Variants in DERPC observed in about 807,000 individuals in gnomAD.
DERPC encodes DERPC proline and glycine rich nuclear protein.
Under a neutral mutation model 7.2 loss-of-function variants are expected in DERPC, and 1 was observed. That is an observed-to-expected ratio of 0.14 (90% CI 0.05 to 0.66). The LOEUF is 0.66. Among genes scored for constraint, DERPC ranks in the 30% least tolerant of loss-of-function variants. The probability of loss-of-function intolerance (pLI) is 0.84; values close to 1 mark genes in which losing one functional copy is unlikely to be tolerated. For missense variants in DERPC, 502 were observed against 299.4 expected, an observed-to-expected ratio of 1.68 and a Z score of -4.99; for synonymous variants, 185 against 117.6, an observed-to-expected ratio of 1.57 and a Z score of -3.71.
intron 1 of DERPC, among the ~76,000 whole-genome samples, chr16:69,123,482 C>T (rs1961829296): frequency 6.6e-6 from 1 of 152,020 alleles, no homozygotes; most frequent in Non-Finnish European, 1.5e-5. Context: ...CACGGTGAAA[C>T]CCAGTCTCTA....
At position 69,119,429 on chromosome 16, in the gene DERPC, T is replaced by G; in HGVS notation, c.1000A>C (p.Met334Leu). The G allele has an allele frequency of 1.4e-6, 1 of 702,802 alleles. No individual in the cohort carries two copies. The highest frequency in any genetic ancestry group is 2.7e-5 in the East Asian group (1 of 37,250). The allele number at this position is 702,802 out of a possible 1,614,324, so 43.5% of individuals were successfully genotyped here. Residue 334 changes from methionine (M) to leucine (L), a missense_variant, in exon 3 of 3, where the codon ATG (methionine) becomes CTG (leucine). By Grantham distance (15) the Met-to-Leu change is conservative. Coordinates refer to ENST00000519520, the MANE Select transcript of DERPC (RefSeq NM_001002847.4). ...CCTATGGGGCCAGGAGCCCTTGACATGGGAGATGGATTTGGCCCTGGAAGG... is the reference window on the plus strand; with the variant it reads ...CCTATGGGGCCAGGAGCCCTTGACAGGGGAGATGGATTTGGCCCTGGAAGG... Reference protein sequence around the residue: ...IGLPGPNPSPMSRAPGPIGPN... With the variant: ...IGLPGPNPSPLSRAPGPIGPN...
chr16:69,120,772 T>C lies in DERPC; in HGVS notation c.-221-123A>G. 8 of 876,070 alleles carry C rather than the reference T, an allele frequency of 9.1e-6. No homozygotes were observed. The highest frequency in any genetic ancestry group is 2.3e-5 in the Admixed American group (1 of 44,434). The allele number at this position is 876,070 out of a possible 1,614,324, so 54.3% of individuals were successfully genotyped here. A position where few individuals can be genotyped will look rare whatever the true frequency, so the allele number is the denominator to read the frequency against. ...TCCAATCCCTGGTCTGGCTCTGCCA[T>C]TGTTGAGCAGCCACACTGGACCACC... is the stretch of plus-strand genomic sequence containing the variant. On this transcript the variant is annotated intron_variant, in intron 2 of 2. Transcript: ENST00000519520. This position sits in a 1 kb window ranked among gnomAD's most constrained non-coding sequence, Gnocchi z 4.0.
chr16:69,124,501 A>T (rs975003671), intron 1 of DERPC, among the ~76,000 whole-genome samples: 23 of 150,526 alleles, frequency 1.5e-4, no homozygotes, highest in African/African-American at 5.1e-4. Flanking sequence ...TCGGCTCACC[A>T]CAACCTTCAC....
chr16:69,131,306 T>C (rs796948033), intron 1 of DERPC: 1 of 152,172 alleles, frequency 6.6e-6, no homozygotes, highest in Non-Finnish European at 1.5e-5. Context: ...CTGGTATTTG[T>C]AGCAATGGGT....
At chr16:69,129,151 C>A (rs1037852693) in intron 1 of DERPC, among the ~76,000 whole-genome samples, 2 of 151,862 alleles carry the variant, frequency 1.3e-5, no homozygotes, top group African/African-American at 4.8e-5. Context: ...CAGGCAGAGG[C>A]CGGGTGCGGT....
rs995522774 is a variant in DERPC at position 69,118,012 on chromosome 16, C to G, written c.*842G>C. 6.3e-6 allele frequency: 2 copies of G among 319,988 alleles called. No individual in the cohort carries two copies. Among genetic ancestry groups the G allele is most frequent in the African/African-American group, 4.2e-5 (2 of 47,296 alleles). The allele number at this position is 319,988 out of a possible 1,614,324, so 19.8% of individuals were successfully genotyped here. On this transcript the variant is annotated 3_prime_UTR_variant, in exon 3 of 3. Coordinates refer to ENST00000519520, the MANE Select transcript of DERPC (RefSeq NM_001002847.4). ...AACAAAACACAGTGACACCAGCAGCCCTCTCATCCCATTTATTAAAGAAAC... is the reference window on the plus strand; with the variant it reads ...AACAAAACACAGTGACACCAGCAGCGCTCTCATCCCATTTATTAAAGAAAC...
At chr16:69,121,588 C>T (rs1349336630) in intron 1 of DERPC, 95 bp from the exon 2 acceptor site, 1 of 688,794 alleles carries the variant, frequency 1.5e-6, no homozygotes, top group Non-Finnish European at 2.5e-6. Flanking sequence ...ATCGATTCTC[C>T]TGCCTCAGCC....
chr16:69,124,147 C>A (rs1372850972), intron 1 of DERPC, among the ~76,000 whole-genome samples: 1 of 151,574 alleles, frequency 6.6e-6, no homozygotes, highest in East Asian at 1.9e-4. Flanking sequence ...TCATTTTATA[C>A]AACAGCAGCA....
Position 69,120,503 on chromosome 16 carries a change from CACCAGGT to C in DERPC, c.-82_-76del. ...GGATCTTGTCTTTGATGAGTGCTGTCACCAGGTACCGGGTGCCAGTCTCGCGGCCAAG... is the reference window on the plus strand; with the variant it reads ...GGATCTTGTCTTTGATGAGTGCTGTCACCGGGTGCCAGTCTCGCGGCCAAG... On this transcript the variant is annotated 5_prime_UTR_variant, in exon 3 of 3. An upstream open reading frame in the 5' UTR loses its in-frame stop. Transcript: ENST00000519520. The surrounding 1 kb of genome is among the most constrained non-coding windows in gnomAD (Gnocchi z 4.0). 6.2e-7 allele frequency: 1 copy of C among 1,614,120 alleles called. No individual in the cohort carries two copies. The highest frequency in any genetic ancestry group is 8.5e-7 in the Non-Finnish European group (1 of 1,180,020).
At chr16:69,125,825 T>C in intron 1 of DERPC, among the ~76,000 whole-genome samples, 1 of 152,248 alleles carries the variant, frequency 6.6e-6, no homozygotes, top group Admixed American at 6.5e-5. Context: ...ACCTCTTTAC[T>C]GTGTAGTCAA....
Position 69,119,507 on chromosome 16 carries a change from T to C in DERPC, c.922A>G (p.Arg308Gly). ...NMGTSPSSMA[R>G]VPGPMGPNSG... Reference sequence around the variant, plus strand: ...TTTGGGCCCATGGGGCCAGGTACTCTTGCCATGGAGGATGGGCTTGTGCCC... The same window carrying C: ...TTTGGGCCCATGGGGCCAGGTACTCCTGCCATGGAGGATGGGCTTGTGCCC... The change falls in exon 3 of 3, where the codon AGA becomes GGA. Residue 308 changes from arginine to glycine, a missense_variant. Arg to Gly is a moderately radical substitution (Grantham distance 125). Transcript: ENST00000519520. 1.4e-6 allele frequency: 1 copy of C among 703,016 alleles called. No homozygotes were observed. Among genetic ancestry groups the C allele is most frequent in the Non-Finnish European group, 2.6e-6 (1 of 385,006 alleles). The allele number at this position is 703,016 out of a possible 1,614,324, so 43.5% of individuals were successfully genotyped here. A position where few individuals can be genotyped will look rare whatever the true frequency, so the allele number is the denominator to read the frequency against.
intron 2 of DERPC, 187 bp downstream of exon 2, chr16:69,121,249 C>T (rs1416440506): frequency 5.0e-6 from 7 of 1,388,732 alleles, no homozygotes; most frequent in Non-Finnish European, 7.0e-6. Flanking sequence ...CATTTGAGGC[C>T]CAAAGGACCT....
chr16:69,126,350 A>G (rs1215331435), intron 1 of DERPC, among the ~76,000 whole-genome samples: 1 of 152,198 alleles, frequency 6.6e-6, no homozygotes, highest in Non-Finnish European at 1.5e-5. Flanking sequence ...AGGAATTCAG[A>G]ACAATGGTGT....
rs867867822 is a variant in DERPC at position 69,123,049 on chromosome 16, G to A, written c.-279-1556C>T. Among the ~76,000 whole-genome samples, 7 of 152,182 alleles carry A rather than the reference G, an allele frequency of 4.6e-5. No homozygotes were observed. In the South Asian group the frequency reaches 1.5e-3, roughly 32 times the overall value. On this transcript the variant is annotated intron_variant, in intron 1 of 2. Transcript: ENST00000519520. ...GCTGGGATTATAGGCTTGAGCCACT[G>A]CACCCGGCCTCTTACTTTTTTCTTC...
chr16:69,132,546 C>T lies in DERPC; in HGVS notation c.-342G>A, dbSNP rs1286868732. On this transcript the variant is annotated 5_prime_UTR_variant, in exon 1 of 3. Coordinates refer to ENST00000519520, the MANE Select transcript of DERPC (RefSeq NM_001002847.4). ...AACGGGCGACAACCGAACCTCCCGCCGCCGTCGCCGCCGCCGCGAGCACTG... is the reference window on the plus strand; with the variant it reads ...AACGGGCGACAACCGAACCTCCCGCTGCCGTCGCCGCCGCCGCGAGCACTG... The T allele has an allele frequency of 2.8e-6, 1 of 360,936 alleles. No homozygotes were observed. The highest frequency in any genetic ancestry group is 1.9e-5 in the South Asian group (1 of 53,386). 22.4% of individuals were successfully genotyped at this position (360,936 alleles called of 1,614,324 possible). A position where few individuals can be genotyped will look rare whatever the true frequency, so the allele number is the denominator to read the frequency against.
Position 69,120,719 on chromosome 16 carries a change from G to A in DERPC, c.-221-70C>T. 3 of 1,350,066 alleles carry A rather than the reference G, an allele frequency of 2.2e-6. No homozygotes were observed. The highest frequency in any genetic ancestry group is 3.1e-6 in the Non-Finnish European group (3 of 964,470). The allele number at this position is 1,350,066 out of a possible 1,614,324, so 83.6% of individuals were successfully genotyped here. A position where few individuals can be genotyped will look rare whatever the true frequency, so the allele number is the denominator to read the frequency against. ...CCATAACACTCAGGCGCCTCCTAAA[G>A]CTGCTCTTGGCAGGCTATGCTGGCA... is the stretch of plus-strand genomic sequence containing the variant. On this transcript the variant is annotated intron_variant, in intron 2 of 2. Transcript: ENST00000519520. The surrounding 1 kb of genome is among the most constrained non-coding windows in gnomAD (Gnocchi z 4.0).
chr16:69,119,337 C>T lies in DERPC; in HGVS notation c.1092G>A (p.Arg364=). The T allele has an allele frequency of 2.8e-6, 2 of 703,070 alleles. No homozygotes were observed. Among genetic ancestry groups the T allele is most frequent in the Non-Finnish European group, 5.2e-6 (2 of 385,026 alleles). The allele number at this position is 703,070 out of a possible 1,614,324, so 43.6% of individuals were successfully genotyped here. Residue 364 remains arginine (R), a synonymous_variant, in exon 3 of 3, where the codon AGG becomes AGA. Coordinates refer to ENST00000519520, the MANE Select transcript of DERPC (RefSeq NM_001002847.4). ...GAGAAAAGGCAGATGAACCTGCTCCCCTGGGAAAGGGATTGGCATTTACCC... is the reference window on the plus strand; with the variant it reads ...GAGAAAAGGCAGATGAACCTGCTCCTCTGGGAAAGGGATTGGCATTTACCC... ...PMGVNANPFP[R]GAGSSAFSQS...
chr16:69,121,364 T>C, intron 2 of DERPC, 72 bp downstream of exon 2: 1 of 1,402,866 alleles, frequency 7.1e-7, no homozygotes, highest in Non-Finnish European at 9.9e-7. Flanking sequence ...CCCTGATTCT[T>C]CCAGACACAT....
intron 1 of DERPC, among the ~76,000 whole-genome samples, chr16:69,128,716 T>C (rs954526942): frequency 3.9e-5 from 6 of 152,132 alleles, no homozygotes; most frequent in African/African-American, 1.2e-4. Flanking sequence ...CTCTAGAATA[T>C]ACCTTATTTA....
Sources: allele counts gnomAD v4.1 joint callset (sites outside exome capture counted in the v4.1 genomes callset), GRCh38; gene constraint gnomAD v4.1.1; non-coding constraint Gnocchi (gnomAD v3.1); transcripts MANE v1.5; gene names NCBI Gene and HGNC (gene_info 2026-07-23, HGNC 2026-07-21).